TMEM272: variants seen among roughly 807,000 people sequenced by gnomAD.
TMEM272 encodes the protein transmembrane protein 272, also known as long intergenic non-protein coding RNA 282.
Under a neutral mutation model 3.7 loss-of-function variants are expected in TMEM272, and 8 were observed. That is an observed-to-expected ratio of 2.17 (90% CI 1.27 to 3.91). The LOEUF is 3.91. Ranked by LOEUF, TMEM272 falls within the 30% of genes most tolerant of loss-of-function variation. The pLI is 0.00. For synonymous variants in TMEM272, 63 were observed against 39.8 expected (o/e 1.58, Z -2.20); for missense variants, 166 against 91.5 (o/e 1.81, Z -3.32).
intron 2 of TMEM272, among the ~76,000 whole-genome samples, chr13:51,830,274 G>T (rs182504736): frequency 9.3e-4 from 141 of 152,306 alleles, no homozygotes; most frequent in African/African-American, 3.3e-3. Context: ...GAGGTAAAAT[G>T]TTACCTCCTC....
the TMEM272 span, among the ~76,000 whole-genome samples, chr13:51,858,915 C>T: frequency 6.6e-6 from 1 of 152,058 alleles, no homozygotes; most frequent in African/African-American, 2.4e-5. Context: ...GAGGTTCTCC[C>T]GGGAGCCCTT....
the TMEM272 span, among the ~76,000 whole-genome samples, chr13:51,878,429 A>AAAAAC: frequency 9.8e-4 from 149 of 152,228 alleles, no homozygotes; most frequent in Non-Finnish European, 1.7e-3. Context: ...GACTCTGTCA[A>AAAAAC]AAAACAAAAC....
chr13:51,861,029 G>A, the TMEM272 span, among the ~76,000 whole-genome samples: 6 of 151,918 alleles, frequency 3.9e-5, no homozygotes, highest in African/African-American at 7.3e-5. Context: ...GAATCCTGCC[G>A]TTTGTCACAA....
At chr13:51,875,846 G>A in the TMEM272 span, among the ~76,000 whole-genome samples, 168 of 152,170 alleles carry the variant, frequency 1.1e-3, no homozygotes, top group East Asian at 5.8e-3. Flanking sequence ...GAGACCTGTG[G>A]GAGACAGCTG....
the TMEM272 span, among the ~76,000 whole-genome samples, chr13:51,920,530 T>C: frequency 6.6e-6 from 1 of 152,172 alleles, no homozygotes; most frequent in Admixed American, 6.5e-5. Context: ...GCTCTGCTGG[T>C]GTCTTTGAGA....
chr13:51,904,206 ATAT>A, the TMEM272 span, among the ~76,000 whole-genome samples: 3 of 152,074 alleles, frequency 2.0e-5, no homozygotes, highest in African/African-American at 7.2e-5. Context: ...AATGATGGTA[ATAT>A]TAATGATGAT....
At chr13:51,891,751 T>C in the TMEM272 span, among the ~76,000 whole-genome samples, 1 of 152,184 alleles carries the variant, frequency 6.6e-6, no homozygotes, top group Admixed American at 6.5e-5. Context: ...GACTGTGTCT[T>C]ATTCATTTTT....
At chr13:51,848,058 A>C (rs1269415224), upstream of TMEM272, among the ~76,000 whole-genome samples, 2 of 152,196 alleles carry the variant, frequency 1.3e-5, no homozygotes, top group African/African-American at 4.8e-5. Flanking sequence ...TGATAGTAAT[A>C]ATAGCTCTAT....
At chr13:51,869,869 T>C in the TMEM272 span, among the ~76,000 whole-genome samples, 4 of 152,326 alleles carry the variant, frequency 2.6e-5, no homozygotes, top group Admixed American at 2.6e-4. Context: ...TCAGAAATCC[T>C]GCAGTCGAAG....
the TMEM272 span, among the ~76,000 whole-genome samples, chr13:51,899,180 AAT>A: frequency 2.8e-4 from 42 of 152,328 alleles, 2 homozygotes; most frequent in South Asian, 8.3e-3. Flanking sequence ...ATATGAGGTC[AAT>A]ATATAAAAAA....
intron 2 of TMEM272, among the ~76,000 whole-genome samples, chr13:51,835,456 C>T (rs747071102): frequency 6.6e-6 from 1 of 152,106 alleles, no homozygotes; most frequent in Non-Finnish European, 1.5e-5. Flanking sequence ...GATCTCTTGA[C>T]GTCGTGATCT....
chr13:51,871,093 CT>C, the TMEM272 span, among the ~76,000 whole-genome samples: 1 of 152,054 alleles, frequency 6.6e-6, no homozygotes, highest in East Asian at 1.9e-4. Flanking sequence ...CCTAGTGATT[CT>C]CCCCCTCTGG....
chr13:51,879,373 G>A, the TMEM272 span, among the ~76,000 whole-genome samples: 3 of 151,742 alleles, frequency 2.0e-5, no homozygotes, highest in African/African-American at 4.8e-5. Context: ...TCTTGAAAGC[G>A]AAAAAGTCTT....
the TMEM272 span, among the ~76,000 whole-genome samples, chr13:51,870,676 T>C: frequency 1.3e-5 from 2 of 152,158 alleles, no homozygotes; most frequent in African/African-American, 2.4e-5. Flanking sequence ...GCAAAAATAA[T>C]AAATCTGAAT....
At chr13:51,888,633 CTTTTTCTTTTTTTTT>C in the TMEM272 span, among the ~76,000 whole-genome samples, 2 of 120,114 alleles carry the variant, frequency 1.7e-5, no homozygotes, top group Non-Finnish European at 3.4e-5. Flanking sequence ...TTTCTTTTTT[CTTTTTCTTTTTTTTT>C]TTTTTTTTTT....
chr13:51,844,511 G>A (rs1460524009), intron 1 of TMEM272, among the ~76,000 whole-genome samples: 8 of 152,196 alleles, frequency 5.3e-5, no homozygotes, highest in South Asian at 2.1e-4. Flanking sequence ...AACCATGCCC[G>A]AATGCATGAA....
the TMEM272 span, among the ~76,000 whole-genome samples, chr13:51,926,365 C>T: frequency 6.6e-6 from 1 of 152,198 alleles, no homozygotes; most frequent in Non-Finnish European, 1.5e-5. Flanking sequence ...AGCCCCCGTT[C>T]TGGTGACTTC....
chr13:51,852,735 C>T, the TMEM272 span, among the ~76,000 whole-genome samples: 1 of 151,978 alleles, frequency 6.6e-6, no homozygotes, highest in Admixed American at 6.6e-5. Flanking sequence ...AAAAATTAGC[C>T]GGGCGTGGTG....
the TMEM272 span, among the ~76,000 whole-genome samples, chr13:51,887,758 A>C: frequency 6.6e-6 from 1 of 152,090 alleles, no homozygotes; most frequent in Non-Finnish European, 1.5e-5. Context: ...GACTCTGCCA[A>C]CTCTTCTCAA....
Sources: allele counts gnomAD v4.1 joint callset (sites outside exome capture counted in the v4.1 genomes callset), GRCh38; gene constraint gnomAD v4.1.1; transcripts MANE v1.5; gene names NCBI Gene and HGNC (gene_info 2026-07-23, HGNC 2026-07-21).